Variants in NME7 observed in about 807,000 individuals in gnomAD.
NME7 encodes nucleoside diphosphate kinase 7.
Under a neutral mutation model 49.1 loss-of-function variants are expected in NME7, and 41 were observed. That is an observed-to-expected ratio of 0.83 (90% CI 0.65 to 1.08). NME7 has a LOEUF of 1.08. Among genes scored for constraint, NME7 ranks in the 50% least tolerant of loss-of-function variants. The pLI, the probability that NME7 is intolerant of heterozygous loss-of-function variation, is 0.00. For missense variants in NME7, 423 were observed against 463.4 expected (o/e 0.91, Z 0.80); for synonymous variants, 139 against 150.6 (o/e 0.92, Z 0.56).
Position 169,273,251 on chromosome 1 carries a change from T to C in NME7, c.754+14052A>G, listed in dbSNP as rs1389211003. Among the ~76,000 whole-genome samples the C allele has an allele frequency of 1.6e-5, 2 of 126,864 alleles. 1 individual carries two copies. Among genetic ancestry groups the C allele is most frequent in the Non-Finnish European group, 3.7e-5 (2 of 54,578 alleles). The allele number at this position is 126,864 out of a possible 152,430, so 83.2% of individuals were successfully genotyped here. A position where few individuals can be genotyped will look rare whatever the true frequency, so the allele number is the denominator to read the frequency against. ...CAGGCCCCAGTGTGTGATGTTCCCC[T>C]CCCTGTGTCCATGTGTTTTCATTGT... On this transcript the variant is annotated intron_variant, in intron 7 of 11. Transcript: ENST00000367811.
Position 169,147,533 on chromosome 1 carries a change from A to G in NME7, c.1099-14716T>C, listed in dbSNP as rs563117257. 6.6e-5 allele frequency among the ~76,000 whole-genome samples: 10 copies of G among 152,366 alleles called. No homozygotes were observed. The South Asian group carries it at 2.1e-3, about 32-fold the overall frequency. Reference sequence around the variant, plus strand: ...TAAATGAAGTCGTCAATTAATGCATATAAAACACTTAGACCAATGCTTGGC... The same window carrying G: ...TAAATGAAGTCGTCAATTAATGCATGTAAAACACTTAGACCAATGCTTGGC... On this transcript the variant is annotated intron_variant, in intron 11 of 11. Transcript: ENST00000367811.
chr1:169,266,698 A>C (rs2101869157), intron 7 of NME7, among the ~76,000 whole-genome samples: 1 of 132,942 alleles, frequency 7.5e-6, no homozygotes, highest in Admixed American at 7.4e-5. Context: ...TATCTAAAAA[A>C]CCTCATTAGT....
At chr1:169,360,727 A>T (rs1297852795) in intron 1 of NME7, among the ~76,000 whole-genome samples, 2 of 151,918 alleles carry the variant, frequency 1.3e-5, no homozygotes, top group Non-Finnish European at 2.9e-5. Flanking sequence ...CCTCATGAGG[A>T]CCGTCCCTGA....
At chr1:169,275,478 C>CAAA (rs57449323) in intron 7 of NME7, among the ~76,000 whole-genome samples, 63 of 29,752 alleles carry the variant, frequency 2.1e-3, no homozygotes, top group African/African-American at 3.2e-3. Flanking sequence ...AACTCCGTCT[C>CAAA]AAAAAAAAAA....
At position 169,298,688 on chromosome 1, in the gene NME7, C is replaced by T. The variant is rs1218169724; in HGVS notation, c.516G>A (p.Trp172Ter). Residue 172 changes from tryptophan (W) to a stop codon, truncating the protein, a stop_gained, in exon 6 of 12, where the codon TGG becomes TGA. Transcript: ENST00000367811. LOFTEE classifies it high-confidence loss of function. ...EILRDDAICE[W>*]KRLLGPANSG... Reference sequence around the variant, plus strand: ...AGTTTGCAGGTCCCAGCAGTCTTTTCCATTCACATATAGCATCATCTCTTA... The same window carrying T: ...AGTTTGCAGGTCCCAGCAGTCTTTTTCATTCACATATAGCATCATCTCTTA... The T allele has an allele frequency of 6.2e-7, 1 of 1,613,792 alleles. No individual in the cohort carries two copies. Among genetic ancestry groups the T allele is most frequent in the African/African-American group, 1.3e-5 (1 of 74,888 alleles).
chr1:169,228,041 T>TATAC (rs142895635), intron 10 of NME7, among the ~76,000 whole-genome samples: 2 of 147,044 alleles, frequency 1.4e-5, no homozygotes, highest in African/African-American at 5.0e-5. Context: ...TATGTGTGTA[T>TATAC]ACACACACAC....
Position 169,323,144 on chromosome 1 carries a change from G to T in NME7, c.251C>A (p.Ala84Asp). Residue 84 changes from alanine to aspartate, a missense_variant, in exon 3 of 12, where the codon GCT becomes GAT. Coordinates refer to ENST00000367811, the MANE Select transcript of NME7 (RefSeq NM_013330.5). ...VLIDYGDQYT[A>D]RQLGSRKEKT... Reference sequence around the variant, plus strand: ...TTCTTTCCTACTGCCCAGCTGGCGAGCTGTATATTGATCCCCATAGTCAAT... The same window carrying T: ...TTCTTTCCTACTGCCCAGCTGGCGATCTGTATATTGATCCCCATAGTCAAT... The T allele has an allele frequency of 6.3e-7, 1 of 1,595,612 alleles. No homozygotes were observed. The highest frequency in any genetic ancestry group is 1.2e-5 in the South Asian group (1 of 86,534).
intron 3 of NME7, among the ~76,000 whole-genome samples, chr1:169,314,246 T>C (rs990737777): frequency 2.0e-5 from 3 of 151,654 alleles, no homozygotes; most frequent in African/African-American, 7.2e-5. Flanking sequence ...AGTAAATCAT[T>C]AGGTTCATGG....
chr1:169,312,915 T>C (rs1651455322), intron 3 of NME7, among the ~76,000 whole-genome samples: 1 of 152,224 alleles, frequency 6.6e-6, no homozygotes, highest in Non-Finnish European at 1.5e-5. Context: ...ATTCTAAACC[T>C]ATTCTAAAAG....
At chr1:169,324,058 T>C (rs1167967652) in intron 2 of NME7, among the ~76,000 whole-genome samples, 3 of 151,924 alleles carry the variant, frequency 2.0e-5, no homozygotes, top group African/African-American at 7.3e-5. Context: ...TTTCACCATG[T>C]TGGCCAGGCT....
At chr1:169,257,360 A>G (rs34369716) in intron 7 of NME7, among the ~76,000 whole-genome samples, 13,028 of 134,072 alleles carry the variant, frequency 0.097, 3,422 homozygotes, top group East Asian at 0.75. Context: ...TCTTTGACTC[A>G]GAAAGGGAAC....
At chr1:169,294,721 A>G (rs1650639841) in intron 6 of NME7, among the ~76,000 whole-genome samples, 1 of 152,210 alleles carries the variant, frequency 6.6e-6, no homozygotes, top group Admixed American at 6.5e-5. Flanking sequence ...GTTCATACAA[A>G]TAATAGGATA....
chr1:169,132,889 G>C (rs1222858509), intron 11 of NME7, 72 bp from the exon 12 acceptor site: 1 of 1,280,198 alleles, frequency 7.8e-7, no homozygotes, highest in Non-Finnish European at 1.1e-6. Flanking sequence ...GAGTCCAAGA[G>C]GTTGGTCAGG....
chr1:169,306,406 A>C (rs1651173413), intron 4 of NME7, among the ~76,000 whole-genome samples: 1 of 152,222 alleles, frequency 6.6e-6, no homozygotes, highest in Non-Finnish European at 1.5e-5. Flanking sequence ...CAAGAAGTAG[A>C]CAAATCAGTC....
At chr1:169,275,423 G>T (rs1649667357) in intron 7 of NME7, among the ~76,000 whole-genome samples, 1 of 113,590 alleles carries the variant, frequency 8.8e-6, no homozygotes, top group South Asian at 2.8e-4. Flanking sequence ...AGCTTGCAGT[G>T]AGTCGAGATC....
intron 1 of NME7, among the ~76,000 whole-genome samples, chr1:169,356,867 CAT>C (rs1653484814): frequency 6.6e-6 from 1 of 152,156 alleles, no homozygotes; most frequent in Admixed American, 6.6e-5. Context: ...TACATATTCA[CAT>C]GTTAAAGAAA....
chr1:169,338,435 A>G (rs1372345147), intron 1 of NME7, among the ~76,000 whole-genome samples: 2 of 152,220 alleles, frequency 1.3e-5, no homozygotes, highest in Non-Finnish European at 2.9e-5. Flanking sequence ...TTAGTGAAAA[A>G]TGCCAGAAAA....
At chr1:169,232,249 T>C (rs1647652837) in intron 9 of NME7, among the ~76,000 whole-genome samples, 1 of 151,722 alleles carries the variant, frequency 6.6e-6, no homozygotes, top group African/African-American at 2.4e-5. Flanking sequence ...AGACATTCAA[T>C]AGAAACTATT....
intron 3 of NME7, among the ~76,000 whole-genome samples, chr1:169,313,793 A>G: frequency 6.6e-6 from 1 of 152,184 alleles, no homozygotes; most frequent in East Asian, 1.9e-4. Flanking sequence ...ACTGTAAAGT[A>G]TCTGTGCAAA....
Sources: gnomAD v4.1 joint callset for allele counts (sites outside exome capture counted in the v4.1 genomes callset) on GRCh38, gnomAD v4.1.1 for gene constraint, MANE v1.5 for transcripts, NCBI Gene and HGNC (gene_info 2026-07-23, HGNC 2026-07-21) for gene names.